The following PGM5 variants were observed in gnomAD, a reference collection of about 807,000 sequenced individuals.
The protein encoded by PGM5 is phosphoglucomutase 5, also known as phosphoglucomutase-like protein 5.
In PGM5, 23 loss-of-function variants were observed where a neutral mutation model predicts 59.2. The ratio of observed to expected loss-of-function variants is 0.39; its 90% CI spans 0.28 to 0.55. PGM5 has a LOEUF of 0.55. Among genes scored for constraint, PGM5 ranks in the 20% least tolerant of loss-of-function variants. The pLI is 0.66. For missense variants in PGM5, 574 were observed against 748.3 expected (o/e 0.77, Z 2.72); for synonymous variants, 214 against 286.0 (o/e 0.75, Z 2.54).
chr9:68,402,179 G>A (rs189936557), intron 6 of PGM5, among the ~76,000 whole-genome samples: 3,136 of 152,046 alleles, frequency 0.021, 23 homozygotes, highest in Middle Eastern at 0.034. Context: ...CATGAGAATC[G>A]CTTAAACCTG....
intron 9 of PGM5, among the ~76,000 whole-genome samples, chr9:68,484,499 C>T (rs1824255027): frequency 6.7e-6 from 1 of 148,386 alleles, no homozygotes; most frequent in South Asian, 2.1e-4. Flanking sequence ...ATGATCACAC[C>T]ATTGCACTTC....
At chr9:68,478,671 T>C (rs1387827353) in intron 7 of PGM5, among the ~76,000 whole-genome samples, 1 of 152,230 alleles carries the variant, frequency 6.6e-6, no homozygotes, top group African/African-American at 2.4e-5. Flanking sequence ...GCGGCACAAC[T>C]GTAATCTCTG....
chr9:68,502,554 G>T (rs12341862), intron 10 of PGM5, among the ~76,000 whole-genome samples: 1 of 152,196 alleles, frequency 6.6e-6, no homozygotes, highest in African/African-American at 2.4e-5. Context: ...TAATCAGCCC[G>T]TGGCTAATCA....
chr9:68,451,655 A>G (rs1178860869), intron 6 of PGM5, among the ~76,000 whole-genome samples: 1 of 152,208 alleles, frequency 6.6e-6, no homozygotes, highest in Admixed American at 6.5e-5. Context: ...TGGGTCTTTA[A>G]CAGCTCAAAG....
At chr9:68,418,506 G>A (rs1203392858) in intron 6 of PGM5, among the ~76,000 whole-genome samples, 1 of 152,104 alleles carries the variant, frequency 6.6e-6, no homozygotes, top group Non-Finnish European at 1.5e-5. Context: ...CTCTGTTACT[G>A]ATAGCTTGTC....
chr9:68,422,068 GAATA>G, intron 6 of PGM5, among the ~76,000 whole-genome samples: 1 of 151,168 alleles, frequency 6.6e-6, no homozygotes, highest in Non-Finnish European at 1.5e-5. Flanking sequence ...GACAGCATCA[GAATA>G]TATAAATAAA....
At chr9:68,401,917 G>C (rs1402728709) in intron 6 of PGM5, among the ~76,000 whole-genome samples, 2 of 149,182 alleles carry the variant, frequency 1.3e-5, no homozygotes, top group Non-Finnish European at 3.0e-5. Context: ...GTGTGTGTGT[G>C]TGTGTGTGTG....
At chr9:68,360,975 G>T (rs1834565162) in intron 1 of PGM5, among the ~76,000 whole-genome samples, 1 of 152,314 alleles carries the variant, frequency 6.6e-6, no homozygotes, top group East Asian at 1.9e-4. Context: ...CTGAAGTGCA[G>T]TGAAACAATC....
At chr9:68,516,262 C>A (rs1233439342) in intron 10 of PGM5, among the ~76,000 whole-genome samples, 3 of 152,224 alleles carry the variant, frequency 2.0e-5, no homozygotes, top group Non-Finnish European at 4.4e-5. Context: ...CATCTTCAAT[C>A]TGGCATAGTT....
chr9:68,474,397 T>A (rs1824070002), intron 7 of PGM5, among the ~76,000 whole-genome samples: 2 of 152,180 alleles, frequency 1.3e-5, no homozygotes, highest in South Asian at 4.1e-4. Flanking sequence ...GGTGTTTCCA[T>A]GTGAAGAAAA....
At chr9:68,467,220 C>T (rs74357531) in intron 7 of PGM5, among the ~76,000 whole-genome samples, 19 of 152,214 alleles carry the variant, frequency 1.2e-4, no homozygotes, top group African/African-American at 4.6e-4. Flanking sequence ...GTATCTGGAA[C>T]CCCAGGTGAT....
At chr9:68,482,461 T>C (rs1250064074) in intron 8 of PGM5, among the ~76,000 whole-genome samples, 1 of 152,226 alleles carries the variant, frequency 6.6e-6, no homozygotes, top group Non-Finnish European at 1.5e-5. Flanking sequence ...GAAAGGGATG[T>C]AGATGCAGGG....
At chr9:68,490,274 ATTGAGTTC>A (rs1205541032) in intron 9 of PGM5, among the ~76,000 whole-genome samples, 8 of 152,248 alleles carry the variant, frequency 5.3e-5, no homozygotes, top group Admixed American at 4.6e-4. Context: ...AAGCTTTAAG[ATTGAGTTC>A]TTCTCTCTTC....
At chr9:68,383,490 C>T (rs1822130177) in intron 2 of PGM5, among the ~76,000 whole-genome samples, 2 of 151,908 alleles carry the variant, frequency 1.3e-5, no homozygotes, top group African/African-American at 4.8e-5. Flanking sequence ...AAGTGCTCAA[C>T]AGCTAAATGT....
chr9:68,392,863 A>C (rs1410827238), intron 6 of PGM5, among the ~76,000 whole-genome samples: 1 of 152,184 alleles, frequency 6.6e-6, no homozygotes, highest in Non-Finnish European at 1.5e-5. Context: ...TTAACCTGAA[A>C]GTGTGTATGT....
intron 9 of PGM5, among the ~76,000 whole-genome samples, chr9:68,486,760 T>C (rs1257990726): frequency 1.3e-5 from 2 of 152,164 alleles, no homozygotes; most frequent in African/African-American, 4.8e-5. Flanking sequence ...TGTGCAGAGA[T>C]AGGTTTTCAA....
intron 7 of PGM5, among the ~76,000 whole-genome samples, chr9:68,478,724 C>T (rs1485254372): frequency 6.6e-6 from 1 of 152,228 alleles, no homozygotes; most frequent in Non-Finnish European, 1.5e-5. Context: ...TTCTCCTCTT[C>T]TGTGTCTTCT....
At chr9:68,516,293 C>CT (rs1824822614) in intron 10 of PGM5, among the ~76,000 whole-genome samples, 1 of 152,224 alleles carries the variant, frequency 6.6e-6, no homozygotes, top group African/African-American at 2.4e-5. Context: ...AATCCATCCT[C>CT]TAGGAATGTT....
intron 8 of PGM5, 35 bp from the exon 9 acceptor site, chr9:68,483,830 T>A: frequency 6.2e-7 from 1 of 1,600,602 alleles, no homozygotes; most frequent in Non-Finnish European, 8.6e-7. Flanking sequence ...GCTGGTTCTC[T>A]GATTAGGTTT....
Sources: gnomAD v4.1 joint callset for allele counts (sites outside exome capture counted in the v4.1 genomes callset) on GRCh38, gnomAD v4.1.1 for gene constraint, MANE v1.5 for transcripts, NCBI Gene and HGNC (gene_info 2026-07-23, HGNC 2026-07-21) for gene names.